Variants in MIR2052HG observed in about 807,000 individuals in gnomAD.
The protein encoded by MIR2052HG is MIR2052 host gene.
intron 2 of MIR2052HG, among the ~76,000 whole-genome samples, chr8:74,648,803 GTC>G (rs140366967): frequency 0.011 from 1,701 of 152,138 alleles, 26 homozygotes; most frequent in African/African-American, 0.038. Context: ...CTTTTGAATC[GTC>G]TCTATGTGCC....
intron 2 of MIR2052HG, among the ~76,000 whole-genome samples, chr8:74,648,184 G>A (rs1235682375): frequency 2.0e-5 from 3 of 152,150 alleles, no homozygotes; most frequent in South Asian, 4.1e-4. Flanking sequence ...TTCCCAGCAA[G>A]GAATATTAAT....
intron 2 of MIR2052HG, among the ~76,000 whole-genome samples, chr8:74,697,302 A>G (rs1384167162): frequency 1.3e-5 from 2 of 152,300 alleles, no homozygotes; most frequent in East Asian, 1.9e-4. Context: ...AACCCTCAGT[A>G]AAACTGGCCT....
chr8:74,676,827 T>C (rs1382791926), intron 2 of MIR2052HG, among the ~76,000 whole-genome samples: 2 of 151,972 alleles, frequency 1.3e-5, no homozygotes, highest in Non-Finnish European at 1.5e-5. Flanking sequence ...AAGGCAACTA[T>C]GAGAGGTGAT....
intron 4 of MIR2052HG, among the ~76,000 whole-genome samples, chr8:74,723,379 C>A (rs574581902): frequency 6.6e-6 from 1 of 152,296 alleles, no homozygotes. Context: ...CACATAAACA[C>A]CTTCCTCCTT....
intron 4 of MIR2052HG, among the ~76,000 whole-genome samples, chr8:74,748,533 C>A (rs73341210): frequency 3.0e-4 from 45 of 152,290 alleles, no homozygotes; most frequent in African/African-American, 1.1e-3. Flanking sequence ...AGATATTTTT[C>A]TGCTGTTATT....
At chr8:74,667,159 G>A (rs942635130) in intron 2 of MIR2052HG, among the ~76,000 whole-genome samples, 19 of 152,290 alleles carry the variant, frequency 1.2e-4, no homozygotes, top group African/African-American at 4.1e-4. Flanking sequence ...GGTCAAAGGG[G>A]ACAGGAGCTC....
At chr8:74,752,697 T>A (rs1809960441) in intron 5 of MIR2052HG, among the ~76,000 whole-genome samples, 1 of 152,230 alleles carries the variant, frequency 6.6e-6, no homozygotes, top group South Asian at 2.1e-4. Flanking sequence ...GCTAGATTGC[T>A]AGTAAATAAG....
At chr8:74,679,796 C>A (rs1403153281) in intron 2 of MIR2052HG, among the ~76,000 whole-genome samples, 1 of 152,020 alleles carries the variant, frequency 6.6e-6, no homozygotes, top group African/African-American at 2.4e-5. Context: ...CCCATCTTGG[C>A]CTCCCAAAGT....
chr8:74,701,881 T>A (rs1809361721), intron 2 of MIR2052HG, among the ~76,000 whole-genome samples: 1 of 152,084 alleles, frequency 6.6e-6, no homozygotes, highest in African/African-American at 2.4e-5. Context: ...TAATGTCCGG[T>A]GAGTTTCTGG....
chr8:74,733,203 G>A (rs1809712250), intron 4 of MIR2052HG, among the ~76,000 whole-genome samples: 1 of 151,974 alleles, frequency 6.6e-6, no homozygotes, highest in Admixed American at 6.6e-5. Context: ...CTAGCATTAG[G>A]TATCTCTCCT....
At chr8:74,617,366 T>C (rs1456227251) in intron 2 of MIR2052HG, among the ~76,000 whole-genome samples, 2 of 152,134 alleles carry the variant, frequency 1.3e-5, no homozygotes, top group Non-Finnish European at 2.9e-5. Flanking sequence ...TCCTGAGTTA[T>C]TTTACTTAGG....
chr8:74,712,468 G>T (rs1809477824), intron 4 of MIR2052HG, among the ~76,000 whole-genome samples: 1 of 152,174 alleles, frequency 6.6e-6, no homozygotes, highest in Admixed American at 6.6e-5. Context: ...CTTATATTTA[G>T]TTTTAATATC....
chr8:74,610,481 A>G (rs1263527317), intron 1 of MIR2052HG, among the ~76,000 whole-genome samples: 1 of 151,962 alleles, frequency 6.6e-6, no homozygotes, highest in African/African-American at 2.4e-5. Flanking sequence ...TTTTCTTTTT[A>G]ATAGAAATTG....
chr8:74,672,318 A>C (rs1238295103), intron 2 of MIR2052HG, among the ~76,000 whole-genome samples: 3 of 152,118 alleles, frequency 2.0e-5, no homozygotes, highest in Admixed American at 1.3e-4. Context: ...TATGAAGCAC[A>C]GGAATTCAGT....
At chr8:74,640,026 C>T (rs778130185) in intron 2 of MIR2052HG, among the ~76,000 whole-genome samples, 40 of 152,160 alleles carry the variant, frequency 2.6e-4, no homozygotes, top group Non-Finnish European at 5.1e-4. Flanking sequence ...TCACCAACAG[C>T]TCCTTTAATG....
intron 2 of MIR2052HG, among the ~76,000 whole-genome samples, chr8:74,665,234 G>A (rs771699036): frequency 3.3e-5 from 5 of 152,062 alleles, no homozygotes; most frequent in Non-Finnish European, 5.9e-5. Context: ...CACATGAAAT[G>A]GCATTCTTGC....
At chr8:74,642,867 A>T (rs1316409678) in intron 2 of MIR2052HG, among the ~76,000 whole-genome samples, 1 of 152,180 alleles carries the variant, frequency 6.6e-6, no homozygotes, top group African/African-American at 2.4e-5. Flanking sequence ...CATGGGTAGC[A>T]TTTGTTCCTC....
At chr8:74,634,524 T>G (rs760591806) in intron 2 of MIR2052HG, among the ~76,000 whole-genome samples, 22 of 152,194 alleles carry the variant, frequency 1.4e-4, no homozygotes, top group Non-Finnish European at 2.9e-4. Context: ...TTAAATTTTT[T>G]TTTGAGTTTT....
At chr8:74,706,717 T>C (rs1416674895) in intron 4 of MIR2052HG, among the ~76,000 whole-genome samples, 1 of 152,112 alleles carries the variant, frequency 6.6e-6, no homozygotes, top group Middle Eastern at 3.2e-3. Flanking sequence ...GCTTAACCAA[T>C]TGTAAAAATA....
Sources: gnomAD v4.1 joint callset for allele counts (sites outside exome capture counted in the v4.1 genomes callset) on GRCh38, gnomAD v4.1.1 for gene constraint, MANE v1.5 for transcripts, NCBI Gene and HGNC (gene_info 2026-07-23, HGNC 2026-07-21) for gene names.